The following CAPN10 variants were observed in gnomAD, a reference collection of about 807,000 sequenced individuals.
CAPN10 encodes the protein calpain-10.
CAPN10 carries 71 observed loss-of-function variants against 78.4 expected under a neutral mutation model. That is an observed-to-expected ratio of 0.91 (90% CI 0.75 to 1.10). The LOEUF (loss-of-function observed/expected upper bound fraction) is 1.10. CAPN10 is among the 50% of genes least tolerant of loss of function. CAPN10 has a pLI of 0.00. For synonymous variants in CAPN10, 437 were observed against 407.2 expected, an observed-to-expected ratio of 1.07 and a Z score of -0.88; for missense variants, 849 against 924.6, an observed-to-expected ratio of 0.92 and a Z score of 1.06.
intron 7 of CAPN10, chr2:240,596,059 C>T (rs2093134572): frequency 1.3e-6 from 2 of 1,521,090 alleles, no homozygotes; most frequent in Non-Finnish European, 1.8e-6. Flanking sequence ...GTTGCCTGGG[C>T]CACGGTGCCT....
At chr2:240,588,617 C>T (rs556628794) in intron 1 of CAPN10, among the ~76,000 whole-genome samples, 1 of 152,080 alleles carries the variant, frequency 6.6e-6, no homozygotes, top group African/African-American at 2.4e-5. Flanking sequence ...GAGGTGACAG[C>T]GACATTGATC....
chr2:240,595,244 G>C lies in CAPN10; in HGVS notation c.1218G>C (p.Ser406=). 1 of 1,613,588 alleles carries C rather than the reference G, an allele frequency of 6.2e-7. No individual in the cohort carries two copies. Among genetic ancestry groups the C allele is most frequent in the Non-Finnish European group, 8.5e-7 (1 of 1,180,024 alleles). The change falls in exon 7 of 12, where the codon TCG becomes TCC. Residue 406 remains serine, a synonymous_variant. Coordinates refer to ENST00000391984, the MANE Select transcript of CAPN10 (RefSeq NM_023083.4). ...ARALVGDSHT[S]WSPASIPGKH... ...CACTGGTGGGTGACAGTCATACTTC[G>C]TGGAGCCCAGCGAGCATCCCGGGCA...
At position 240,596,777 on chromosome 2, in the gene CAPN10, C is replaced by T; in HGVS notation, c.1578C>T (p.Gly526=). The T allele has an allele frequency of 6.2e-7, 1 of 1,612,212 alleles. No individual in the cohort carries two copies. The highest frequency in any genetic ancestry group is 1.3e-5 in the African/African-American group (1 of 75,056). The part of the protein sequence containing the change: ...TVQLRGSWRV[G]QTAGGSRNFA... ...AGCTACGGGGTTCTTGGAGAGTCGG[C>T]CAGACGGCGGGGGGCAGCAGGAACT... Residue 526 remains glycine (G), a synonymous_variant, in exon 9 of 12, where the codon GGC becomes GGT. Transcript: ENST00000391984.
rs776661578 is a variant in CAPN10 at position 240,596,681 on chromosome 2, C to T, written c.1482C>T (p.Ser494=). 19 of 1,538,648 alleles carry T rather than the reference C, an allele frequency of 1.2e-5. No homozygotes were observed. Among genetic ancestry groups the T allele is most frequent in the Non-Finnish European group, 1.5e-5 (17 of 1,142,728 alleles). ...CCTCCCATGTTTGTCTTCTTGGCAGCGCCATCAGGGCAGTGGCCAAGAACA... is the reference window on the plus strand; with the variant it reads ...CCTCCCATGTTTGTCTTCTTGGCAGTGCCATCAGGGCAGTGGCCAAGAACA... The part of the protein sequence containing the change: ...RVFSTGRVSL[S]AIRAVAKNTT... The change falls in exon 9 of 12, where the codon AGC becomes AGT. Residue 494 remains serine, a splice_region_variant and synonymous_variant. Transcript: ENST00000391984.
At chr2:240,595,420 C>A (rs1335322793) in intron 7 of CAPN10, 116 bp downstream of exon 7, 2 of 1,111,858 alleles carry the variant, frequency 1.8e-6, no homozygotes, top group Non-Finnish European at 2.6e-6. Flanking sequence ...ACGGGCCCCA[C>A]CAGTCTCCCC....
chr2:240,592,473 T>C, intron 4 of CAPN10: 1 of 588,810 alleles, frequency 1.7e-6, no homozygotes, highest in East Asian at 4.0e-5. Context: ...CTGTTTTTTA[T>C]TTTAGTGATA....
At chr2:240,588,961 ATAGT>A (rs1271229450) in intron 1 of CAPN10, among the ~76,000 whole-genome samples, 1 of 141,706 alleles carries the variant, frequency 7.1e-6, no homozygotes, top group Non-Finnish European at 1.5e-5. Context: ...AAGGTATATG[ATAGT>A]TAGGGGGTGT....
rs1575451931 is a variant in CAPN10, at chr2:240,596,588, C to T, written c.1481+67C>T. The T allele has an allele frequency of 6.5e-6, 10 of 1,539,248 alleles. No homozygotes were observed. In the African/African-American group the frequency reaches 8.2e-5, roughly 13 times the overall value. ...AGGCCCTTCCAAGGCAGGATTTGGG[C>T]ACTTTCCCTCTGTGGTTGGCAGGTG... On this transcript the variant is annotated intron_variant, in intron 8 of 11. Transcript: ENST00000391984.
rs200314283 is a variant in CAPN10 at position 240,596,375 on chromosome 2, C to G, written c.1335C>G (p.Gly445=). The G allele has an allele frequency of 6.2e-7, 1 of 1,612,970 alleles. No individual in the cohort carries two copies. The highest frequency in any genetic ancestry group is 1.1e-5 in the South Asian group (1 of 91,070). The change falls in exon 8 of 12, where the codon GGC becomes GGG. Residue 445 remains glycine (G), a synonymous_variant. Transcript: ENST00000391984. ...PRVLSMPPVA[G]TACHAYDREV... ...TCCTGTCCATGCCCCCCGTGGCTGG[C>G]ACCGCGTGCCATGCATACGACCGGG...
In CAPN10 at chr2:240,589,332, C is replaced by A. The variant is rs763206424; in HGVS notation, c.142-11C>A. ...GCATGATCTAACTCTGGACAACTTT[C>A]TGTATCTCAGGAGATTTGTGCCACA... is the stretch of plus-strand genomic sequence containing the variant. On this transcript the variant is annotated splice_polypyrimidine_tract_variant and intron_variant, in intron 1 of 11. Transcript: ENST00000391984. The A allele has an allele frequency of 1.2e-6, 2 of 1,614,152 alleles. No homozygotes were observed. The highest frequency in any genetic ancestry group is 8.5e-7 in the Non-Finnish European group (1 of 1,180,020).
chr2:240,596,416 G>A lies in CAPN10; in HGVS notation c.1376G>A (p.Cys459Tyr). Reference protein sequence around the residue: ...HAYDREVHLRCELSPGYYLAV... With the variant: ...HAYDREVHLRYELSPGYYLAV... ...TACGACCGGGAGGTCCACCTGCGTT[G>A]TGAGCTCTCACCGGGCTACTACCTG... Residue 459 changes from cysteine to tyrosine, a missense_variant, in exon 8 of 12, where the codon TGT becomes TAT. Coordinates refer to ENST00000391984, the MANE Select transcript of CAPN10 (RefSeq NM_023083.4). 2 of 1,613,692 alleles carry A rather than the reference G, an allele frequency of 1.2e-6. No homozygotes were observed. Among genetic ancestry groups the A allele is most frequent in the Non-Finnish European group, 1.7e-6 (2 of 1,179,948 alleles).
chr2:240,587,037 G>A lies in CAPN10; in HGVS notation c.126G>A (p.Thr42=), dbSNP rs1160767804. The A allele has an allele frequency of 1.4e-6, 2 of 1,447,396 alleles. No individual in the cohort carries two copies. Among genetic ancestry groups the A allele is most frequent in the Non-Finnish European group, 9.1e-7 (1 of 1,095,992 alleles). The allele number at this position is 1,447,396 out of a possible 1,614,324, so 89.7% of individuals were successfully genotyped here. A position where few individuals can be genotyped will look rare whatever the true frequency, so the allele number is the denominator to read the frequency against. Residue 42 remains threonine (T), a synonymous_variant, in exon 1 of 12, where the codon ACG becomes ACA. Transcript: ENST00000391984. ...TGGCCCAGTTCCGCGAGGACATCAC[G>A]TGGAGGCGGCCCCAGGTGGGGCCGT... ...TPLAQFREDI[T]WRRPQEICAT... is the part of the protein sequence containing the mutation.
chr2:240,594,923 G>C, intron 6 of CAPN10, 101 bp from the exon 7 acceptor site: 1 of 1,324,100 alleles, frequency 7.6e-7, no homozygotes, highest in Admixed American at 1.9e-5. Flanking sequence ...GTCTGTGGCC[G>C]TAGCTGCTGC....
At chr2:240,590,559 G>A in intron 2 of CAPN10, 2 of 460,618 alleles carry the variant, frequency 4.3e-6, no homozygotes, top group South Asian at 6.4e-5. Context: ...CGACATCCAG[G>A]TGTGCCGAAG....
chr2:240,596,231 G>C (rs545971603), intron 7 of CAPN10, 88 bp from the exon 8 acceptor site: 1 of 1,494,010 alleles, frequency 6.7e-7, no homozygotes, highest in Admixed American at 2.3e-5. Flanking sequence ...CAACTCCAGA[G>C]GCCCTTGTGC....
intron 7 of CAPN10, chr2:240,596,082 C>A (rs1176591024): frequency 7.2e-6 from 11 of 1,534,332 alleles, no homozygotes; most frequent in Non-Finnish European, 9.7e-6. Flanking sequence ...GTGGGCCCAG[C>A]TACAAGGAGG....
At chr2:240,588,508 C>T (rs370283513) in intron 1 of CAPN10, among the ~76,000 whole-genome samples, 1 of 152,074 alleles carries the variant, frequency 6.6e-6, no homozygotes, top group Non-Finnish European at 1.5e-5. Context: ...TGGGGACCAC[C>T]TCAGGGGCAG....
At chr2:240,595,868 G>C in intron 7 of CAPN10, 8 of 1,143,520 alleles carry the variant, frequency 7.0e-6, no homozygotes, top group Non-Finnish European at 9.5e-6. Context: ...AAGGGCCTGA[G>C]TGTGGGTCGA....
intron 5 of CAPN10, chr2:240,594,291 A>C (rs956770631): frequency 2.6e-5 from 15 of 571,514 alleles, no homozygotes; most frequent in African/African-American, 1.5e-4. Flanking sequence ...CTCGGGCAGC[A>C]GTCCTGGGAA....
Sources: gnomAD v4.1 joint callset for allele counts (sites outside exome capture counted in the v4.1 genomes callset) on GRCh38, gnomAD v4.1.1 for gene constraint, MANE v1.5 for transcripts, NCBI Gene and HGNC (gene_info 2026-07-23, HGNC 2026-07-21) for gene names.